Variants in PCDH9 observed in about 807,000 individuals in gnomAD.
PCDH9 encodes protocadherin-9.
A neutral mutation model predicts 70.6 loss-of-function variants in PCDH9; 24 were observed. The observed-to-expected ratio is 0.34, with a 90% CI of 0.25 to 0.48. PCDH9 has a LOEUF of 0.48. Among genes scored for constraint, PCDH9 ranks in the 20% least tolerant of loss-of-function variants. PCDH9 has a pLI of 0.99. For missense variants in PCDH9, 1,281 were observed against 1,503.6 expected (o/e 0.85, Z 2.45); for synonymous variants, 562 against 558.5 (o/e 1.01, Z -0.09).
At chr13:66,385,716 T>TAAC (rs1266448631) in intron 4 of PCDH9, among the ~76,000 whole-genome samples, 1 of 152,200 alleles carries the variant, frequency 6.6e-6, no homozygotes, top group Non-Finnish European at 1.5e-5. Context: ...TAGAAGATTC[T>TAAC]AACAGTAAGT....
intron 2 of PCDH9, among the ~76,000 whole-genome samples, chr13:67,049,862 A>G (rs2085290532): frequency 6.6e-6 from 1 of 152,234 alleles, no homozygotes; most frequent in South Asian, 2.1e-4. Flanking sequence ...GCAGAACTGC[A>G]TGCAGCCAAA....
At chr13:67,006,183 T>C (rs149350298) in intron 2 of PCDH9, among the ~76,000 whole-genome samples, 2,185 of 152,176 alleles carry the variant, frequency 0.014, 24 homozygotes, top group South Asian at 0.026. Flanking sequence ...GCGGAGATCG[T>C]GCCACTGCAC....
At chr13:66,603,931 C>T (rs1483076240) in intron 4 of PCDH9, among the ~76,000 whole-genome samples, 1 of 151,814 alleles carries the variant, frequency 6.6e-6, no homozygotes, top group African/African-American at 2.4e-5. Flanking sequence ...TTTTCTTCTC[C>T]TGATTTTCTC....
chr13:66,700,746 A>G (rs932803692), intron 3 of PCDH9, among the ~76,000 whole-genome samples: 9 of 151,846 alleles, frequency 5.9e-5, no homozygotes, highest in African/African-American at 2.2e-4. Context: ...CCCTACCCCA[A>G]CAACGAAGAC....
chr13:66,938,267 A>G (rs2082950135), intron 2 of PCDH9, among the ~76,000 whole-genome samples: 1 of 152,228 alleles, frequency 6.6e-6, no homozygotes. Context: ...AACGAAAATA[A>G]TTATAGTTAC....
At chr13:67,131,760 A>G (rs184093822) in intron 2 of PCDH9, among the ~76,000 whole-genome samples, 2 of 152,288 alleles carry the variant, frequency 1.3e-5, no homozygotes, top group East Asian at 1.9e-4. Context: ...TTCCACTTTA[A>G]CACTTTCCTT....
intron 4 of PCDH9, among the ~76,000 whole-genome samples, chr13:66,404,141 T>C (rs12856686): frequency 6.6e-6 from 1 of 152,206 alleles, no homozygotes; most frequent in Non-Finnish European, 1.5e-5. Context: ...ATTTAAGACT[T>C]GCCTTGAAGT....
rs1184426231 is a variant in PCDH9 at position 66,441,354 on chromosome 13, G to C, written c.3341-136326C>G. Among the ~76,000 whole-genome samples, 3 of 152,132 alleles carry C rather than the reference G, an allele frequency of 2.0e-5. No individual in the cohort carries two copies. The East Asian group carries it at 5.8e-4, about 29-fold the overall frequency. ...TCCTCAAAGCAATGAAAATTTAAGA[G>C]ATCTGTCCTTGGTTTTAATTTGTAA... is the stretch of plus-strand genomic sequence containing the variant. On this transcript the variant is annotated intron_variant, in intron 4 of 4. Transcript: ENST00000377865.
chr13:66,315,943 G>A (rs982945524), intron 4 of PCDH9, among the ~76,000 whole-genome samples: 1 of 152,290 alleles, frequency 6.6e-6, no homozygotes, highest in Admixed American at 6.5e-5. Flanking sequence ...CATTTCTAAA[G>A]GTTAAAAGTC....
At chr13:66,885,162 T>C (rs2081986585) in intron 3 of PCDH9, among the ~76,000 whole-genome samples, 1 of 152,186 alleles carries the variant, frequency 6.6e-6, no homozygotes, top group South Asian at 2.1e-4. Flanking sequence ...TACTCTCTGA[T>C]GTTCTGCTCA....
At chr13:66,992,048 T>C (rs957118377) in intron 2 of PCDH9, among the ~76,000 whole-genome samples, 3 of 152,162 alleles carry the variant, frequency 2.0e-5, no homozygotes, top group South Asian at 2.1e-4. Flanking sequence ...AATGTTACAA[T>C]GAAAGGCAGT....
At chr13:66,602,151 T>G (rs941951113) in intron 4 of PCDH9, among the ~76,000 whole-genome samples, 1 of 146,136 alleles carries the variant, frequency 6.8e-6, no homozygotes, top group Non-Finnish European at 1.5e-5. Context: ...AAGAATTGTC[T>G]TGGACCACAC....
In PCDH9 at chr13:66,878,525, C is replaced by T. The variant is rs1048055440; in HGVS notation, c.3138+24979G>A. Among the ~76,000 whole-genome samples the T allele has an allele frequency of 7.2e-5, 11 of 152,176 alleles. No individual in the cohort carries two copies. In the East Asian group the frequency reaches 1.5e-3, roughly 21 times the overall value. ...TACAGGCGTGAGGCATAGCGCAGGG[C>T]CGGGACTAATTTTTTTAAAAAGAAA... is the stretch of plus-strand genomic sequence containing the variant. On this transcript the variant is annotated intron_variant, in intron 3 of 4. Coordinates refer to ENST00000377865, the MANE Select transcript of PCDH9 (RefSeq NM_203487.3).
intron 2 of PCDH9, chr13:67,202,058 AG>A (rs1367474805): frequency 4.0e-5 from 6 of 151,816 alleles, no homozygotes; most frequent in African/African-American, 2.4e-5. Context: ...TAAATTATCA[AG>A]TTTTTTTTTT....
intron 3 of PCDH9, among the ~76,000 whole-genome samples, chr13:66,804,569 G>C (rs1441364419): frequency 6.6e-6 from 1 of 152,064 alleles, no homozygotes; most frequent in African/African-American, 2.4e-5. Flanking sequence ...CAAATTAATA[G>C]GTAAAAATAA....
At position 66,713,623 on chromosome 13, in the gene PCDH9, GTGTATATATA is replaced by G. The variant is rs958592151; in HGVS notation, c.3139-82222_3139-82213del. ...GTATATATATATAAAGTGTGTGTGT[GTGTATATATA>G]TATATATATATATATATATAATGTA... is the stretch of plus-strand genomic sequence containing the variant. On this transcript the variant is annotated intron_variant, in intron 3 of 4. Coordinates refer to ENST00000377865, the MANE Select transcript of PCDH9 (RefSeq NM_203487.3). Among the ~76,000 whole-genome samples, 558 of 93,020 alleles carry G rather than the reference GTGTATATATA, an allele frequency of 6.0e-3. 9 individuals carry two copies. Among genetic ancestry groups the G allele is most frequent in the African/African-American group, 0.021 (529 of 25,702 alleles). The allele number at this position is 93,020 out of a possible 152,430, so 61.0% of individuals were successfully genotyped here. A position where few individuals can be genotyped will look rare whatever the true frequency, so the allele number is the denominator to read the frequency against.
intron 3 of PCDH9, among the ~76,000 whole-genome samples, chr13:66,663,191 T>C (rs1298992342): frequency 6.6e-6 from 1 of 152,222 alleles, no homozygotes; most frequent in East Asian, 1.9e-4. Context: ...ACAAGTGTTT[T>C]TGGGAAGATT....
intron 3 of PCDH9, among the ~76,000 whole-genome samples, chr13:66,770,922 T>C (rs2079797611): frequency 6.6e-6 from 1 of 152,222 alleles, no homozygotes; most frequent in African/African-American, 2.4e-5. Flanking sequence ...AGATTCTGGC[T>C]GCTTCTCATC....
chr13:66,887,314 G>A (rs1188324192), intron 3 of PCDH9, among the ~76,000 whole-genome samples: 1 of 151,704 alleles, frequency 6.6e-6, no homozygotes, highest in East Asian at 1.9e-4. Flanking sequence ...TACTATCAGT[G>A]CCACTGAGCT....
Sources: gnomAD v4.1 joint callset for allele counts (sites outside exome capture counted in the v4.1 genomes callset) on GRCh38, gnomAD v4.1.1 for gene constraint, MANE v1.5 for transcripts, NCBI Gene and HGNC (gene_info 2026-07-23, HGNC 2026-07-21) for gene names.